ABCA4: variants seen among roughly 807,000 people sequenced by gnomAD.
ABCA4 encodes the protein retinal-specific phospholipid-transporting ATPase ABCA4.
A neutral mutation model predicts 263.7 loss-of-function variants in ABCA4; 196 were observed. That is an observed-to-expected ratio of 0.74 (90% CI 0.66 to 0.84). The LOEUF (loss-of-function observed/expected upper bound fraction) is 0.84, where lower values mean the gene tolerates loss of function less well. Ranked by LOEUF, ABCA4 falls within the 40% of genes least tolerant of loss-of-function variation. ABCA4 has a pLI of 0.00. For synonymous variants in ABCA4, 1,133 were observed against 1,094.2 expected (o/e 1.04, Z -0.70); for missense variants, 2,792 against 2,855.1 (o/e 0.98, Z 0.50).
At chr1:94,064,576 C>A (rs957541711) in intron 11 of ABCA4, among the ~76,000 whole-genome samples, 12 of 152,186 alleles carry the variant, frequency 7.9e-5, no homozygotes, top group African/African-American at 2.7e-4. Context: ...CACTGCGGAG[C>A]TTTAAAAGAT....
intron 7 of ABCA4, among the ~76,000 whole-genome samples, chr1:94,081,830 C>A (rs1661709856): frequency 6.6e-6 from 1 of 152,208 alleles, no homozygotes; most frequent in African/African-American, 2.4e-5. Flanking sequence ...GCTGGTGGAG[C>A]TGCCAGTAGC....
chr1:94,118,936 C>A (rs564985108), intron 1 of ABCA4, among the ~76,000 whole-genome samples: 3 of 152,174 alleles, frequency 2.0e-5, no homozygotes, highest in African/African-American at 4.8e-5. Flanking sequence ...ATCATGTGAC[C>A]CCCTTTGAGG....
At position 94,005,538 on chromosome 1, in the gene ABCA4, C is replaced by G; in HGVS notation, c.6050G>C (p.Cys2017Ser). 1 of 1,614,056 alleles carries G rather than the reference C, an allele frequency of 6.2e-7. No individual in the cohort carries two copies. Among genetic ancestry groups the G allele is most frequent in the Non-Finnish European group, 8.5e-7 (1 of 1,179,982 alleles). Residue 2017 changes from cysteine to serine, a missense_variant, in exon 44 of 50, where the codon TGT becomes TCT. Coordinates refer to ENST00000370225, the MANE Select transcript of ABCA4 (RefSeq NM_000350.3). The stretch of plus-strand genomic sequence containing the variant: ...CTCATCAATTGCATCAAACTGAGGA[C>G]AGTAGCCCATATTTTGATGGACTTC... ...ISEVHQNMGYCPQFDAIDELL... is the reference protein window; with the variant it reads ...ISEVHQNMGYSPQFDAIDELL...
At chr1:94,069,792 C>T (rs924925863) in intron 11 of ABCA4, among the ~76,000 whole-genome samples, 8 of 152,060 alleles carry the variant, frequency 5.3e-5, no homozygotes, top group African/African-American at 1.4e-4. Flanking sequence ...TTATCTTGCA[C>T]GCTGGGCACC....
At chr1:94,030,969 G>A in intron 28 of ABCA4, 27 bp downstream of exon 28, 1 of 1,613,724 alleles carries the variant, frequency 6.2e-7, no homozygotes, top group East Asian at 2.2e-5. Context: ...ACCCACAGAG[G>A]AGAATGGTGA....
chr1:94,002,830 C>T (rs1659230237), intron 44 of ABCA4, among the ~76,000 whole-genome samples: 1 of 152,162 alleles, frequency 6.6e-6, no homozygotes, highest in African/African-American at 2.4e-5. Flanking sequence ...TTTTCACTCT[C>T]TAATGTACTG....
intron 49 of ABCA4, among the ~76,000 whole-genome samples, chr1:93,995,764 T>G (rs1490718287): frequency 6.6e-6 from 1 of 152,250 alleles, no homozygotes; most frequent in Admixed American, 6.5e-5. Context: ...CTCTATTACC[T>G]TCTCTGCTCC....
chr1:94,029,848 G>A (rs1208148633), intron 29 of ABCA4, among the ~76,000 whole-genome samples: 1 of 152,190 alleles, frequency 6.6e-6, no homozygotes, highest in Non-Finnish European at 1.5e-5. Context: ...CTAGCTTGTG[G>A]ATCGTTTTGT....
intron 45 of ABCA4, 71 bp from the exon 46 acceptor site, chr1:94,001,176 C>A (rs1659166248): frequency 7.7e-7 from 1 of 1,292,626 alleles, no homozygotes. Flanking sequence ...TCCCCCTGGG[C>A]TGGCTCCCCT....
At chr1:94,027,536 C>A (rs1660075212) in intron 30 of ABCA4, among the ~76,000 whole-genome samples, 1 of 152,098 alleles carries the variant, frequency 6.6e-6, no homozygotes, top group South Asian at 2.1e-4. Flanking sequence ...TTTGGGATCC[C>A]TATGATGCAG....
Position 94,108,653 on chromosome 1 carries a change from A to G in ABCA4, c.366T>C (p.Leu122=). The stretch of plus-strand genomic sequence containing the variant: ...TGTGTAGCTCTGTCCAAATACGGCC[A>G]AGGTGCTGGCTCTCTGGTGCATTCA... ...LLMNAPESQH[L]GRIWTELHIL... The change falls in exon 4 of 50, where the codon CTT becomes CTC. Residue 122 remains leucine (L), a synonymous_variant. Transcript: ENST00000370225. The G allele has an allele frequency of 6.2e-7, 1 of 1,614,046 alleles. No homozygotes were observed. Among genetic ancestry groups the G allele is most frequent in the Non-Finnish European group, 8.5e-7 (1 of 1,180,026 alleles).
intron 6 of ABCA4, among the ~76,000 whole-genome samples, chr1:94,095,712 G>C (rs1662107298): frequency 6.6e-6 from 1 of 151,372 alleles, no homozygotes; most frequent in African/African-American, 2.4e-5. Flanking sequence ...GAGCAATAAA[G>C]GCAAAGTCCC....
At chr1:93,996,276 T>C in intron 48 of ABCA4, 81 bp from the exon 49 acceptor site, 1 of 1,082,156 alleles carries the variant, frequency 9.2e-7, no homozygotes. Flanking sequence ...CTTTGCTCTC[T>C]ATTTTCCACA....
intron 36 of ABCA4, chr1:94,018,691 T>C (rs1557767389): frequency 2.3e-6 from 1 of 437,462 alleles, no homozygotes; most frequent in Non-Finnish European, 4.5e-6. Flanking sequence ...GAGATTTTAC[T>C]ACTCAAGACA....
At position 94,036,807 on chromosome 1, in the gene ABCA4, GA is replaced by G; in HGVS notation, c.3814-20del. 6.2e-7 allele frequency: 1 copy of G among 1,612,932 alleles called. No individual in the cohort carries two copies. Among genetic ancestry groups the G allele is most frequent in the Non-Finnish European group, 8.5e-7 (1 of 1,178,922 alleles). On this transcript the variant is annotated intron_variant, in intron 25 of 49. Transcript: ENST00000370225. Reference sequence around the variant, plus strand: ...GAAAAATCTGTCAAGAAGAAAAAAAGAGAGAATTTTGTTTAGTCATTCTTAT... The same window carrying G: ...GAAAAATCTGTCAAGAAGAAAAAAAGGAGAATTTTGTTTAGTCATTCTTAT...
In ABCA4 at chr1:94,021,628, T is replaced by A; in HGVS notation, c.4848+12A>T. The A allele has an allele frequency of 6.2e-7, 1 of 1,606,480 alleles. No individual in the cohort carries two copies. The highest frequency in any genetic ancestry group is 8.5e-7 in the Non-Finnish European group (1 of 1,174,508). The stretch of plus-strand genomic sequence containing the variant: ...TTTTAGCTCCAGAGCAGATTATACA[T>A]AGGTCAAGTACCTTAATGTTGTCTT... On this transcript the variant is annotated intron_variant, in intron 34 of 49. Coordinates refer to ENST00000370225, the MANE Select transcript of ABCA4 (RefSeq NM_000350.3).
chr1:94,098,759 C>G (rs989762524), intron 6 of ABCA4, 35 bp downstream of exon 6: 1 of 1,610,692 alleles, frequency 6.2e-7, no homozygotes, highest in East Asian at 2.2e-5. Flanking sequence ...CAGGAATCAC[C>G]TTGCAATTGG....
intron 6 of ABCA4, among the ~76,000 whole-genome samples, chr1:94,091,767 C>G (rs779575992): frequency 8.5e-5 from 13 of 152,224 alleles, no homozygotes; most frequent in Non-Finnish European, 1.9e-4. Context: ...GTGAAGGGAT[C>G]TGCCTCTACT....
At chr1:94,019,093 T>G (rs936752019) in intron 36 of ABCA4, among the ~76,000 whole-genome samples, 8 of 141,822 alleles carry the variant, frequency 5.6e-5, no homozygotes, top group African/African-American at 2.1e-4. Context: ...ATGCTTATAC[T>G]AAAAATTATT....
Sources: allele counts gnomAD v4.1 joint callset (sites outside exome capture counted in the v4.1 genomes callset), GRCh38; gene constraint gnomAD v4.1.1; transcripts MANE v1.5; gene names NCBI Gene and HGNC (gene_info 2026-07-23, HGNC 2026-07-21).